The following ECE1 variants were observed in gnomAD, a reference collection of about 807,000 sequenced individuals.
The protein encoded by ECE1 is endothelin converting enzyme 1.
Under a neutral mutation model 98.6 loss-of-function variants are expected in ECE1, and 35 were observed. The ratio of observed to expected loss-of-function variants is 0.35; its 90% confidence interval spans 0.27 to 0.47. The LOEUF is 0.47. ECE1 is among the 20% of genes least tolerant of loss of function. The pLI, the probability that ECE1 is intolerant of heterozygous loss-of-function variation, is 1.00. For synonymous variants in ECE1, 394 were observed against 407.1 expected (o/e 0.97, Z 0.39); for missense variants, 814 against 1,025.3 (o/e 0.79, Z 2.81).
At chr1:21,254,316 G>A (rs946530934) in intron 8 of ECE1, among the ~76,000 whole-genome samples, 13 of 152,106 alleles carry the variant, frequency 8.5e-5, no homozygotes, top group African/African-American at 1.9e-4. Context: ...TTGGCCAGGC[G>A]TGGTGGCTCA....
intron 1 of ECE1, among the ~76,000 whole-genome samples, chr1:21,323,100 C>T (rs1183538450): frequency 6.6e-6 from 1 of 152,218 alleles, no homozygotes; most frequent in African/African-American, 2.4e-5. Flanking sequence ...ATTCTGCATT[C>T]TGCTCCAAAA....
intron 2 of ECE1, 77 bp downstream of exon 2, chr1:21,289,993 C>CGGGGGGGGGGGGGGGGGGGGGGGGG: frequency 6.7e-6 from 6 of 897,816 alleles, no homozygotes; most frequent in African/African-American, 3.7e-5. Context: ...TAGGTAGGGG[C>CGGGGGGGGGGGGGGGGGGGGGGGGG]GGGGGGCGCG....
At chr1:21,278,610 T>G (rs760462290) in intron 3 of ECE1, among the ~76,000 whole-genome samples, 1 of 152,176 alleles carries the variant, frequency 6.6e-6, no homozygotes. Context: ...GGGCCAAAAG[T>G]AACCACACTT....
chr1:21,258,225 G>T lies in ECE1; in HGVS notation c.762+468C>A. 6.6e-6 allele frequency among the ~76,000 whole-genome samples: 1 copy of T among 152,168 alleles called. No homozygotes were observed. The highest frequency in any genetic ancestry group is 1.9e-4 in the East Asian group (1 of 5,200). The stretch of plus-strand genomic sequence containing the variant: ...GTGACTGAATGGTAGAGATGGGCTG[G>T]GAACTCAGCTTTTAGGACCCCCAGC... On this transcript the variant is annotated intron_variant, in intron 6 of 18. Transcript: ENST00000374893. This position sits in a 1 kb window ranked among gnomAD's most constrained non-coding sequence, Gnocchi z 4.2.
chr1:21,250,889 C>T (rs1055502860), intron 8 of ECE1, among the ~76,000 whole-genome samples: 6 of 152,212 alleles, frequency 3.9e-5, no homozygotes, highest in Admixed American at 3.9e-4. Context: ...CGCCTGTAGT[C>T]CCAGCTACGC....
rs1218044825 is a variant in ECE1 at position 21,247,320 on chromosome 1, A to G, written c.1064T>C (p.Ile355Thr). Reference sequence around the variant, plus strand: ...TTCATTGATCTCCACGGGGTAGAAGATGGTGTTGAGAAAAGGCAACCAGTT... The same window carrying G: ...TTCATTGATCTCCACGGGGTAGAAGGTGGTGTTGAGAAAAGGCAACCAGTT... ...AINWLPFLNT[I>T]FYPVEINESE... The change falls in exon 9 of 19, where the codon ATC becomes ACC. Residue 355 changes from isoleucine to threonine, a missense_variant. Ile to Thr is a moderately conservative substitution (Grantham distance 89). Coordinates refer to ENST00000374893, the MANE Select transcript of ECE1 (RefSeq NM_001397.3). 6.2e-7 allele frequency: 1 copy of G among 1,614,096 alleles called. No individual in the cohort carries two copies. Among genetic ancestry groups the G allele is most frequent in the Non-Finnish European group, 8.5e-7 (1 of 1,180,050 alleles).
Position 21,227,924 on chromosome 1 carries a change from A to G in ECE1, c.1781+7T>C, listed in dbSNP as rs1171282389. Reference sequence around the variant, plus strand: ...GAATTGGGGTAGGGGCCCCAGAGGCAGCCTACTTGGGTGAGGAGCGTGTGT... The same window carrying G: ...GAATTGGGGTAGGGGCCCCAGAGGCGGCCTACTTGGGTGAGGAGCGTGTGT... On this transcript the variant is annotated splice_region_variant and intron_variant, in intron 15 of 18. Coordinates refer to ENST00000374893, the MANE Select transcript of ECE1 (RefSeq NM_001397.3). 6.4e-7 allele frequency: 1 copy of G among 1,550,462 alleles called. No individual in the cohort carries two copies. Among genetic ancestry groups the G allele is most frequent in the Non-Finnish European group, 8.7e-7 (1 of 1,146,074 alleles).
chr1:21,298,836 T>C, intron 1 of ECE1: 1 of 456,234 alleles, frequency 2.2e-6, no homozygotes, highest in Non-Finnish European at 4.4e-6. Context: ...CCTTACGACT[T>C]CAGGTGTCAC....
In ECE1 at chr1:21,246,675, G is replaced by A. The variant is rs1251205688; in HGVS notation, c.1163+546C>T. ...TGGTAGGTGCTAGGTTTTTTTGTTT[G>A]AGACAGGGTTTTACTCTGTCTCCCA... On this transcript the variant is annotated intron_variant, in intron 9 of 18. Transcript: ENST00000374893. 2.0e-5 allele frequency among the ~76,000 whole-genome samples: 3 copies of A among 151,828 alleles called. No individual in the cohort carries two copies. The East Asian group carries it at 5.8e-4, about 29-fold the overall frequency.
rs2098175422 is a variant in ECE1, at chr1:21,227,177, G to A, written c.1831C>T (p.His611Tyr). ...TTCGTACCTTGATCATCAAAAGCAT[G>A]AGTCAGCTCATGGCCCACGACGACA... ...IGVVVGHELT[H>Y]AFDDQGREYD... The change falls in exon 16 of 19, where the codon CAT (histidine) becomes TAT (tyrosine). Residue 611 changes from histidine (H) to tyrosine (Y), a missense_variant. His to Tyr is a moderately conservative substitution (Grantham distance 83, BLOSUM62 2). Transcript: ENST00000374893. 2 of 1,614,110 alleles carry A rather than the reference G, an allele frequency of 1.2e-6. No homozygotes were observed. Among genetic ancestry groups the A allele is most frequent in the Non-Finnish European group, 1.7e-6 (2 of 1,179,988 alleles).
At chr1:21,284,080 G>T (rs2098258005) in intron 2 of ECE1, among the ~76,000 whole-genome samples, 1 of 152,226 alleles carries the variant, frequency 6.6e-6, no homozygotes. Context: ...GTGAGTCAGG[G>T]CACCGATCTG....
chr1:21,268,181 A>AG (rs796979889), intron 4 of ECE1, among the ~76,000 whole-genome samples: 1 of 152,298 alleles, frequency 6.6e-6, no homozygotes, highest in African/African-American at 2.4e-5. Context: ...GAGGCTTTGG[A>AG]GGGGGTGGTG....
Position 21,260,292 on chromosome 1 carries a change from A to T in ECE1, c.594T>A (p.Pro198=). 6.2e-7 allele frequency: 1 copy of T among 1,614,214 alleles called. No homozygotes were observed. The highest frequency in any genetic ancestry group is 8.5e-7 in the Non-Finnish European group (1 of 1,180,052). ...TCACCCTCTCAATCAACTCCATTAG[A>T]GGTTTGGCCCTGAGCTCCTCGATCC... ...ETRIEELRAK[P]LMELIERLGG... is the part of the protein sequence containing the mutation. The change falls in exon 5 of 19, where the codon CCT becomes CCA. Residue 198 remains proline (P), a synonymous_variant. Transcript: ENST00000374893. This position sits in a 1 kb window ranked among gnomAD's most constrained non-coding sequence, Gnocchi z 4.3.
intron 1 of ECE1, among the ~76,000 whole-genome samples, chr1:21,321,024 G>A (rs1044552221): frequency 3.3e-5 from 5 of 152,220 alleles, no homozygotes; most frequent in Admixed American, 1.3e-4. Flanking sequence ...CAGGCACCGC[G>A]CAGATATTTT....
chr1:21,315,856 G>A (rs1638820248), intron 1 of ECE1, among the ~76,000 whole-genome samples: 1 of 148,924 alleles, frequency 6.7e-6, no homozygotes, highest in African/African-American at 2.5e-5. Flanking sequence ...AGGGCTCTAT[G>A]AATCCACTCC....
Position 21,345,266 on chromosome 1 carries a change from C to G in ECE1, c.3+110G>C, listed in dbSNP as rs1439157805. On this transcript the variant is annotated intron_variant, in intron 1 of 18. Transcript: ENST00000415912. The surrounding 1 kb of genome is among the most constrained non-coding windows in gnomAD (Gnocchi z 5.1). ...GGGCGGGGGCTGCTGCTGCAGCCGGCGCCCAGCCCCCCGCGAGCCAGGGCG... is the reference window on the plus strand; with the variant it reads ...GGGCGGGGGCTGCTGCTGCAGCCGGGGCCCAGCCCCCCGCGAGCCAGGGCG... 3.0e-5 allele frequency: 36 copies of G among 1,195,798 alleles called. No individual in the cohort carries two copies. Among genetic ancestry groups the G allele is most frequent in the Non-Finnish European group, 3.6e-5 (35 of 966,576 alleles). 74.1% of individuals were successfully genotyped at this position (1,195,798 alleles called of 1,614,324 possible). A position where few individuals can be genotyped will look rare whatever the true frequency, so the allele number is the denominator to read the frequency against.
chr1:21,338,262 C>T (rs926424598), intron 1 of ECE1, among the ~76,000 whole-genome samples: 3 of 152,202 alleles, frequency 2.0e-5, no homozygotes, highest in Non-Finnish European at 4.4e-5. Context: ...GTTAGAGTCC[C>T]CACCCTTGGC....
intron 4 of ECE1, among the ~76,000 whole-genome samples, chr1:21,261,004 ATT>A (rs2098226137): frequency 6.6e-6 from 1 of 152,098 alleles, no homozygotes. Flanking sequence ...ACACCCGGAG[ATT>A]CTGTTCCCTT....
Position 21,236,843 on chromosome 1 carries a change from G to C in ECE1, c.1391C>G (p.Ala464Gly), listed in dbSNP as rs1425304733. 1.2e-6 allele frequency: 2 copies of C among 1,613,486 alleles called. No individual in the cohort carries two copies. Among genetic ancestry groups the C allele is most frequent in the Admixed American group, 1.7e-5 (1 of 59,990 alleles). Residue 464 changes from alanine to glycine, a missense_variant and splice_region_variant, in exon 12 of 19, where the codon GCC becomes GGC. Ala to Gly is a moderately conservative substitution (Grantham distance 60). This residue lies in a region of ECE1 where 452 missense variants were observed against 567.3 expected (regional missense o/e 0.80). Coordinates refer to ENST00000374893, the MANE Select transcript of ECE1 (RefSeq NM_001397.3). ...CTTAATCTCCAGGATGATCTCGGTGGCCTGAGGAGATACACATCACAGCAG... is the reference window on the plus strand; with the variant it reads ...CTTAATCTCCAGGATGATCTCGGTGCCCTGAGGAGATACACATCACAGCAG... ...ATFAEDSKSIATEIILEIKKA... is the reference protein window; with the variant it reads ...ATFAEDSKSIGTEIILEIKKA...
Sources: allele counts gnomAD v4.1 joint callset (sites outside exome capture counted in the v4.1 genomes callset), GRCh38; gene constraint gnomAD v4.1.1; regional missense constraint gnomAD v4.1.1; non-coding constraint Gnocchi (gnomAD v3.1); transcripts MANE v1.5; gene names NCBI Gene and HGNC (gene_info 2026-07-23, HGNC 2026-07-21).